Variants in ASIC2 observed in about 807,000 individuals in gnomAD.
ASIC2 encodes acid sensing ion channel subunit 2.
ASIC2 carries 25 observed loss-of-function variants against 57.3 expected under a neutral mutation model. The ratio of observed to expected loss-of-function variants is 0.44; its 90% CI spans 0.32 to 0.61. The LOEUF is 0.61. Among genes scored for constraint, ASIC2 ranks in the 20% least tolerant of loss-of-function variants. The pLI, the probability that ASIC2 is intolerant of heterozygous loss-of-function variation, is 0.06. For missense variants in ASIC2, 641 were observed against 738.1 expected (o/e 0.87, Z 1.52); for synonymous variants, 319 against 307.5 (o/e 1.04, Z -0.39).
chr17:33,811,671 A>G (rs1189948524), intron 1 of ASIC2, among the ~76,000 whole-genome samples: 1 of 152,068 alleles, frequency 6.6e-6, no homozygotes, highest in African/African-American at 2.4e-5. Context: ...TGGCTTTAGA[A>G]CCTGAGACAT....
At chr17:33,177,985 T>C (rs1405411425) in intron 1 of ASIC2, among the ~76,000 whole-genome samples, 1 of 152,140 alleles carries the variant, frequency 6.6e-6, no homozygotes, top group Non-Finnish European at 1.5e-5. Context: ...CTAGTGTGCG[T>C]GCACATACAT....
chr17:33,456,500 C>G (rs1328451513), intron 1 of ASIC2, among the ~76,000 whole-genome samples: 1 of 152,170 alleles, frequency 6.6e-6, no homozygotes, highest in Admixed American at 6.5e-5. Context: ...AAGGCTGCAC[C>G]AGCTACTGGG....
chr17:34,106,634 AT>A (rs1911068169), intron 1 of ASIC2, among the ~76,000 whole-genome samples: 1 of 152,012 alleles, frequency 6.6e-6, no homozygotes, highest in Admixed American at 6.6e-5. Context: ...ATGCATTTCT[AT>A]TTTTCCATGA....
At chr17:33,995,818 G>A (rs1171961518) in intron 1 of ASIC2, among the ~76,000 whole-genome samples, 1 of 152,126 alleles carries the variant, frequency 6.6e-6, no homozygotes, top group East Asian at 1.9e-4. Flanking sequence ...GAATACAGGA[G>A]TACAGATATC....
intron 1 of ASIC2, among the ~76,000 whole-genome samples, chr17:33,153,376 C>T (rs954740562): frequency 1.3e-5 from 2 of 152,160 alleles, no homozygotes; most frequent in Non-Finnish European, 2.9e-5. Context: ...GATCTGGTTC[C>T]ATGATTTGGG....
At chr17:33,752,573 G>A (rs985947019) in intron 1 of ASIC2, among the ~76,000 whole-genome samples, 3 of 152,154 alleles carry the variant, frequency 2.0e-5, no homozygotes, top group Admixed American at 1.3e-4. Context: ...ACATCTCACC[G>A]AAGAAAAGAT....
chr17:34,069,372 CCTTTT>C lies in ASIC2; in HGVS notation c.555+86601_555+86605del, dbSNP rs1909310352. ...TTTCTTTCTTTTTCTTTCTTTCTTT[CCTTTT>C]TTTCTCTTTCTTTTTTTCCTTCTTT... On this transcript the variant is annotated intron_variant, in intron 1 of 9. Coordinates refer to the ASIC2 transcript ENST00000359872. 3.7e-5 allele frequency: 3 copies of C among 81,588 alleles called. No homozygotes were observed. The South Asian group carries it at 1.2e-3, about 31-fold the overall frequency. 5.1% of individuals were successfully genotyped at this position (81,588 alleles called of 1,614,324 possible).
intron 1 of ASIC2, among the ~76,000 whole-genome samples, chr17:33,960,361 T>C (rs1263732013): frequency 6.6e-6 from 1 of 152,192 alleles, no homozygotes; most frequent in Non-Finnish European, 1.5e-5. Flanking sequence ...ATTTCCTTTC[T>C]CTCAAACCAC....
Position 33,287,136 on chromosome 17 carries a change from C to T in ASIC2, c.708+4272G>A, listed in dbSNP as rs1198321838. 2.0e-5 allele frequency among the ~76,000 whole-genome samples: 3 copies of T among 152,220 alleles called. No individual in the cohort carries two copies. The South Asian group carries it at 6.2e-4, about 32-fold the overall frequency. On this transcript the variant is annotated intron_variant, in intron 1 of 9. Coordinates refer to ENST00000225823, the MANE Select transcript of ASIC2 (RefSeq NM_183377.2). Reference sequence around the variant, plus strand: ...ATAATGGCTCTTGAATATTGAGCACCTACTGCTGTCCAGGCATGTGCCAGT... The same window carrying T: ...ATAATGGCTCTTGAATATTGAGCACTTACTGCTGTCCAGGCATGTGCCAGT...
chr17:33,373,414 G>A (rs190635578), intron 1 of ASIC2, among the ~76,000 whole-genome samples: 188 of 152,326 alleles, frequency 1.2e-3, no homozygotes, highest in African/African-American at 4.4e-3. Context: ...TTAGTTTATA[G>A]TTTAACTTAT....
At chr17:33,291,128 T>G in intron 1 of ASIC2, 30 of 514,408 alleles carry the variant, frequency 5.8e-5, no homozygotes, top group Middle Eastern at 5.3e-4. Flanking sequence ...GACGGGACCA[T>G]AAGGAGTAGA....
intron 1 of ASIC2, among the ~76,000 whole-genome samples, chr17:33,118,809 C>T (rs2092290494): frequency 6.6e-6 from 1 of 152,124 alleles, no homozygotes; most frequent in African/African-American, 2.4e-5. Flanking sequence ...TCTGTTTGCA[C>T]ATGCCAGGGC....
chr17:33,021,255 C>T lies in ASIC2; in HGVS notation c.1405G>A (p.Glu469Lys). 1.3e-6 allele frequency: 2 copies of T among 1,524,974 alleles called. No homozygotes were observed. The highest frequency in any genetic ancestry group is 1.8e-6 in the Non-Finnish European group (2 of 1,124,062). 94.5% of individuals were successfully genotyped at this position (1,524,974 alleles called of 1,614,324 possible). ...GCAACTTCATACGCCTTCTTCTGTT[C>T]AATTGTCTCATAATTGAGAGCTTCA... ...FFEALNYETI[E>K]QKKAYEVAAL... The change falls in exon 7 of 10, where the codon GAA (glutamate) becomes AAA (lysine). Residue 469 changes from glutamate (E) to lysine (K), a missense_variant. By Grantham distance (56) the Glu-to-Lys change is moderately conservative (BLOSUM62 1). Around this residue, in one of 3 missense-constraint regions of ASIC2, gnomAD observed 252 missense variants for 319.8 expected, o/e 0.79. Coordinates refer to ENST00000225823, the MANE Select transcript of ASIC2 (RefSeq NM_183377.2).
chr17:33,401,057 T>C (rs1183049656), intron 1 of ASIC2, among the ~76,000 whole-genome samples: 1 of 152,166 alleles, frequency 6.6e-6, no homozygotes, highest in Non-Finnish European at 1.5e-5. Context: ...GAGTTGGCCA[T>C]GTGAATGACA....
intron 1 of ASIC2, among the ~76,000 whole-genome samples, chr17:33,138,342 AC>A (rs2092373893): frequency 6.6e-6 from 1 of 152,148 alleles, no homozygotes; most frequent in South Asian, 2.1e-4. Context: ...AAGCACAGGA[AC>A]CCTGAGGATT....
chr17:34,003,101 A>G (rs995463786), intron 1 of ASIC2: 1 of 152,190 alleles, frequency 6.6e-6, no homozygotes, highest in African/African-American at 2.4e-5. Context: ...AAATGTTCCA[A>G]TACGACAAAA....
chr17:34,048,006 A>C (rs1295244212), intron 1 of ASIC2, among the ~76,000 whole-genome samples: 1 of 152,152 alleles, frequency 6.6e-6, no homozygotes, highest in East Asian at 1.9e-4. Context: ...CCCTTTCAAA[A>C]ACAGGGAGCT....
At chr17:33,849,179 G>A (rs1054927353) in intron 1 of ASIC2, among the ~76,000 whole-genome samples, 1 of 152,154 alleles carries the variant, frequency 6.6e-6, no homozygotes, top group African/African-American at 2.4e-5. Context: ...CTCACTCTAG[G>A]TGAGATCCTG....
At chr17:33,076,168 A>T (rs1336898015) in intron 3 of ASIC2, among the ~76,000 whole-genome samples, 1 of 152,164 alleles carries the variant, frequency 6.6e-6, no homozygotes, top group Non-Finnish European at 1.5e-5. Context: ...AACTTCAAAA[A>T]CAGACAAAAA....
Sources: allele counts gnomAD v4.1 joint callset (sites outside exome capture counted in the v4.1 genomes callset), GRCh38; gene constraint gnomAD v4.1.1; regional missense constraint gnomAD v4.1.1; transcripts MANE v1.5; gene names NCBI Gene and HGNC (gene_info 2026-07-23, HGNC 2026-07-21).